Variants in WNK3 observed in about 807,000 individuals in gnomAD.
The protein encoded by WNK3 is serine/threonine-protein kinase WNK3.
Under a neutral mutation model 116.7 loss-of-function variants are expected in WNK3, and 18 were observed. The ratio of observed to expected loss-of-function variants is 0.15; its 90% CI spans 0.11 to 0.23. The LOEUF is 0.23. WNK3 is among the 10% of genes least tolerant of loss of function. WNK3 has a pLI of 1.00. For missense variants in WNK3, 993 were observed against 1,323.8 expected (o/e 0.75, Z 3.88); for synonymous variants, 404 against 469.4 (o/e 0.86, Z 1.80).
chrX:54,320,496 C>T (rs1432757452), intron 2 of WNK3, among the ~76,000 whole-genome samples: 3 of 111,936 alleles, frequency 2.7e-5, no homozygotes, highest in African/African-American at 9.7e-5. Flanking sequence ...TGATGCTTAG[C>T]TTATAAAGCA....
intron 10 of WNK3, among the ~76,000 whole-genome samples, chrX:54,281,155 T>A (rs1557162304): frequency 9.0e-6 from 1 of 111,261 alleles, no homozygotes; most frequent in East Asian, 2.8e-4. Context: ...AAAGTTACCC[T>A]CCCTTTGTAC....
chrX:54,266,329 G>T (rs782703225), intron 10 of WNK3, among the ~76,000 whole-genome samples: 2 of 109,990 alleles, frequency 1.8e-5, no homozygotes, highest in African/African-American at 3.3e-5. Flanking sequence ...AGGGGAGTGG[G>T]GAAGGTTAAT....
intron 13 of WNK3, among the ~76,000 whole-genome samples, chrX:54,252,564 G>C (rs1209706441): frequency 9.2e-6 from 1 of 109,213 alleles, no homozygotes; most frequent in Non-Finnish European, 1.9e-5. Context: ...CAGCTACTTG[G>C]GAGGCTGAGA....
intron 11 of WNK3, among the ~76,000 whole-genome samples, chrX:54,258,231 T>C (rs1356505977): frequency 1.1e-5 from 1 of 90,646 alleles, no homozygotes; most frequent in Admixed American, 1.3e-4. Context: ...TGAGCCGAAA[T>C]CGTGCCACTG....
chrX:54,249,561 A>C, exon 17 of WNK3: 1 of 1,211,722 alleles, frequency 8.3e-7, no homozygotes, highest in Non-Finnish European at 1.1e-6. Flanking sequence ...TGAAAAGTGC[A>C]CGGTGGCATG....
At chrX:54,304,625 T>C (rs1215303768) in intron 5 of WNK3, among the ~76,000 whole-genome samples, 1 of 110,219 alleles carries the variant, frequency 9.1e-6, no homozygotes, top group Non-Finnish European at 1.9e-5. Context: ...ACCCAGTCCA[T>C]ACTCAAATTT....
intron 5 of WNK3, among the ~76,000 whole-genome samples, chrX:54,302,757 ATTTT>A (rs782811375): frequency 1.8e-4 from 8 of 43,365 alleles, no homozygotes; most frequent in African/African-American, 5.6e-4. Context: ...ATATATATAT[ATTTT>A]TTTTTTTTTT....
intron 22 of WNK3, among the ~76,000 whole-genome samples, chrX:54,217,041 C>T (rs782261832): frequency 8.1e-5 from 9 of 111,126 alleles, no homozygotes; most frequent in African/African-American, 2.6e-4. Flanking sequence ...CCATGTGGGC[C>T]GGGCACGGTG....
chrX:54,213,565 C>CA (rs782750356), intron 22 of WNK3, among the ~76,000 whole-genome samples: 364 of 25,274 alleles, frequency 0.014, 11 homozygotes, highest in Non-Finnish European at 0.024. Context: ...AAAAAAAAAA[C>CA]AAACAAAAAA....
intron 3 of WNK3, among the ~76,000 whole-genome samples, chrX:54,309,689 C>T (rs1046691128): frequency 9.0e-6 from 1 of 111,491 alleles, no homozygotes; most frequent in Non-Finnish European, 1.9e-5. Flanking sequence ...TGCACCACCA[C>T]GCCAAGCTAA....
At chrX:54,201,346 C>T (rs2067498969) in intron 23 of WNK3, among the ~76,000 whole-genome samples, 1 of 112,152 alleles carries the variant, frequency 8.9e-6, no homozygotes, top group Non-Finnish European at 1.9e-5. Context: ...TCTTTCTTCA[C>T]TTCATTGCAT....
intron 22 of WNK3, among the ~76,000 whole-genome samples, chrX:54,219,397 C>T (rs979014274): frequency 3.6e-5 from 4 of 109,786 alleles, no homozygotes; most frequent in Non-Finnish European, 7.6e-5. Flanking sequence ...GAAGGAGACC[C>T]GGCCAGGCAC....
intron 10 of WNK3, among the ~76,000 whole-genome samples, chrX:54,284,547 T>C (rs2068557752): frequency 9.0e-6 from 1 of 111,628 alleles, no homozygotes; most frequent in South Asian, 3.7e-4. Context: ...AAAAAAAACT[T>C]ATATAGGGAT....
chrX:54,262,702 C>A (rs993032836), intron 10 of WNK3, among the ~76,000 whole-genome samples: 1 of 109,947 alleles, frequency 9.1e-6, no homozygotes, highest in Non-Finnish European at 1.9e-5. Flanking sequence ...TGGGAGGCTG[C>A]ACTTTGGGAG....
In WNK3 at chrX:54,298,037, C is replaced by T. The variant is rs2068717633; in HGVS notation, c.1398+138G>A. ...GCAGTGAGCCGAGATCGCACCACTG[C>T]ACTCCAGCCTGGGTGACAGAGCGAG... On this transcript the variant is annotated intron_variant, in intron 7 of 23. Transcript: ENST00000354646. 6 of 463,581 alleles carry T rather than the reference C, an allele frequency of 1.3e-5. No individual in the cohort carries two copies. In the East Asian group the frequency reaches 1.9e-4, roughly 15 times the overall value. 38.2% of individuals were successfully genotyped at this position (463,581 alleles called of 1,213,427 possible).
At chrX:54,242,904 C>A (rs2068037153) in intron 17 of WNK3, among the ~76,000 whole-genome samples, 1 of 111,736 alleles carries the variant, frequency 8.9e-6, no homozygotes, top group East Asian at 2.8e-4. Context: ...AAAGACAAAC[C>A]TACAGAATGG....
exon 14 of WNK3, chrX:54,251,680 T>A: frequency 8.3e-7 from 1 of 1,210,072 alleles, no homozygotes; most frequent in East Asian, 3.0e-5. Flanking sequence ...CACAAAGTTA[T>A]CTTCAACCTG....
intron 2 of WNK3, among the ~76,000 whole-genome samples, chrX:54,320,960 G>A (rs1557172105): frequency 9.1e-6 from 1 of 110,106 alleles, no homozygotes; most frequent in Non-Finnish European, 1.9e-5. Flanking sequence ...GCAATGGCAT[G>A]ATCTGGGCTC....
intron 21 of WNK3, among the ~76,000 whole-genome samples, chrX:54,229,263 C>G (rs1373375130): frequency 6.4e-5 from 7 of 109,526 alleles, no homozygotes; most frequent in Non-Finnish European, 1.3e-4. Context: ...CTAAGAAGAC[C>G]TGGAGAAATA....
Sources: allele counts gnomAD v4.1 joint callset (sites outside exome capture counted in the v4.1 genomes callset), GRCh38; gene constraint gnomAD v4.1.1; transcripts MANE v1.5; gene names NCBI Gene and HGNC (gene_info 2026-07-23, HGNC 2026-07-21).